The following NNT variants were observed in gnomAD, a reference collection of about 807,000 sequenced individuals.
NNT encodes the protein nicotinamide nucleotide transhydrogenase.
In NNT, 50 loss-of-function variants were observed where a neutral mutation model predicts 104.8. That is an observed-to-expected ratio of 0.48 (90% CI 0.38 to 0.60). The LOEUF (loss-of-function observed/expected upper bound fraction) is 0.60, where lower values mean the gene tolerates loss of function less well. NNT is among the 20% of genes least tolerant of loss of function. The pLI, the probability that NNT is intolerant of heterozygous loss-of-function variation, is 0.00. For missense variants in NNT, 1,131 were observed against 1,330.7 expected (o/e 0.85, Z 2.33); for synonymous variants, 461 against 490.4 (o/e 0.94, Z 0.79).
chr5:43,700,336 G>A (rs1203983816), intron 20 of NNT, 99 bp downstream of exon 20: 2 of 764,214 alleles, frequency 2.6e-6, no homozygotes, highest in African/African-American at 1.8e-5. Context: ...AGACTGACTA[G>A]TCAGATGAAA....
chr5:43,654,659 A>C (rs1323479213), intron 14 of NNT, among the ~76,000 whole-genome samples: 1 of 152,244 alleles, frequency 6.6e-6, no homozygotes, highest in African/African-American at 2.4e-5. Context: ...TTTGAAAGTC[A>C]ATTTGTCTAC....
Position 43,616,072 on chromosome 5 carries a change from T to C in NNT, c.599+7T>C. ...CCATGGCCAACATTGCGGGGTAGGT[T>C]CTTTTCCATTTCAATTGAACAAAAG... On this transcript the variant is annotated splice_region_variant and intron_variant, in intron 4 of 21. Coordinates refer to ENST00000344920, the MANE Select transcript of NNT (RefSeq NM_182977.3). 6.2e-7 allele frequency: 1 copy of C among 1,609,266 alleles called. No homozygotes were observed. The highest frequency in any genetic ancestry group is 1.1e-5 in the South Asian group (1 of 90,504).
At chr5:43,611,182 C>G (rs1182887196) in intron 2 of NNT, among the ~76,000 whole-genome samples, 4 of 142,564 alleles carry the variant, frequency 2.8e-5, no homozygotes, top group Non-Finnish European at 1.5e-5. Flanking sequence ...TTTGCTATGT[C>G]TCTTTTGTCT....
chr5:43,646,482 A>G (rs966495233), intron 10 of NNT, among the ~76,000 whole-genome samples: 3 of 137,066 alleles, frequency 2.2e-5, no homozygotes, highest in Non-Finnish European at 4.7e-5. Flanking sequence ...TTTTTTTTGT[A>G]GAGACGGGGC....
At chr5:43,637,934 T>C (rs1338560087) in intron 7 of NNT, among the ~76,000 whole-genome samples, 1 of 152,148 alleles carries the variant, frequency 6.6e-6, no homozygotes, top group Non-Finnish European at 1.5e-5. Context: ...AGTGGTGATA[T>C]GATTTGGTTG....
At chr5:43,680,794 G>T (rs1362417200) in intron 19 of NNT, among the ~76,000 whole-genome samples, 1 of 152,078 alleles carries the variant, frequency 6.6e-6, no homozygotes, top group Non-Finnish European at 1.5e-5. Flanking sequence ...GATATCATTT[G>T]CTTCCCAGTA....
intron 19 of NNT, among the ~76,000 whole-genome samples, chr5:43,683,904 G>A (rs1417059107): frequency 6.6e-6 from 1 of 152,116 alleles, no homozygotes; most frequent in East Asian, 1.9e-4. Context: ...CTGGTAGTTG[G>A]ATTTGGTTAA....
chr5:43,683,828 T>A (rs997840538), intron 19 of NNT, among the ~76,000 whole-genome samples: 17 of 152,218 alleles, frequency 1.1e-4, no homozygotes, highest in African/African-American at 3.6e-4. Flanking sequence ...GTATCATTCT[T>A]CATAATCTTG....
rs374000752 is a variant in NNT at position 43,702,692 on chromosome 5, A to T, written c.3067A>T (p.Ile1023Phe). 200 of 1,612,906 alleles carry T rather than the reference A, an allele frequency of 1.2e-4. No individual in the cohort carries two copies. The highest frequency in any genetic ancestry group is 1.6e-4 in the Non-Finnish European group (194 of 1,179,402). The change falls in exon 21 of 22, where the codon ATT (isoleucine) becomes TTT (phenylalanine). Residue 1023 changes from isoleucine to phenylalanine, a missense_variant. Physicochemically the swap from Ile to Phe is conservative, Grantham distance 21. Coordinates refer to ENST00000344920, the MANE Select transcript of NNT (RefSeq NM_182977.3). ...NSAAQEDPNS[I>F]IAGMPVLEVW... ...AGCAGCTCAAGAAGATCCCAACTCTATTATTGCAGGCATGCCAGTCCTTGA... is the reference window on the plus strand; with the variant it reads ...AGCAGCTCAAGAAGATCCCAACTCTTTTATTGCAGGCATGCCAGTCCTTGA...
At chr5:43,654,061 TTAA>T (rs1351879792) in intron 14 of NNT, among the ~76,000 whole-genome samples, 1 of 152,146 alleles carries the variant, frequency 6.6e-6, no homozygotes, top group African/African-American at 2.4e-5. Context: ...AGAAACAAAG[TTAA>T]TAATATTAAA....
At chr5:43,678,226 C>T (rs984905748) in intron 19 of NNT, among the ~76,000 whole-genome samples, 6 of 152,040 alleles carry the variant, frequency 3.9e-5, no homozygotes, top group Admixed American at 2.0e-4. Context: ...TGAGTGGCAG[C>T]GGTAGAAGAA....
chr5:43,621,370 G>C (rs1021060504), intron 5 of NNT, among the ~76,000 whole-genome samples: 1 of 152,138 alleles, frequency 6.6e-6, no homozygotes, highest in Non-Finnish European at 1.5e-5. Context: ...ATTGGCCCCT[G>C]GCCTAGATTG....
intron 7 of NNT, among the ~76,000 whole-genome samples, chr5:43,632,461 GGT>G (rs572297171): frequency 4.0e-4 from 61 of 152,268 alleles, no homozygotes; most frequent in African/African-American, 1.3e-3. Flanking sequence ...GTCACTTGGT[GGT>G]CTTGAAAAAA....
Position 43,618,488 on chromosome 5 carries a change from A to T in NNT, c.600-544A>T, listed in dbSNP as rs538417422. Among the ~76,000 whole-genome samples, 360 of 152,154 alleles carry T rather than the reference A, an allele frequency of 2.4e-3. 1 individual carries two copies. Among genetic ancestry groups the T allele is most frequent in the Non-Finnish European group, 4.0e-3 (270 of 68,004 alleles). ...TTTGTACAAGCCTATGGCTGACCTA[A>T]TTTTTTTTATTTTAAGGATTTTCCC... is the stretch of plus-strand genomic sequence containing the variant. On this transcript the variant is annotated intron_variant, in intron 4 of 21. Coordinates refer to ENST00000344920, the MANE Select transcript of NNT (RefSeq NM_182977.3).
Position 43,705,506 on chromosome 5 carries a change from T to C in NNT, c.*1102T>C, listed in dbSNP as rs537939919. 1 of 151,734 alleles carries C rather than the reference T, an allele frequency of 6.6e-6. No individual in the cohort carries two copies. Among genetic ancestry groups the C allele is most frequent in the Non-Finnish European group, 1.5e-5 (1 of 67,770 alleles). The allele number at this position is 151,734 out of a possible 1,614,324, so 9.4% of individuals were successfully genotyped here. ...TCTTTTTATAGAAGTGTAGATTTTCTTTGTGACTTTGCTATCGTGCCTAAA... is the reference window on the plus strand; with the variant it reads ...TCTTTTTATAGAAGTGTAGATTTTCCTTGTGACTTTGCTATCGTGCCTAAA... On this transcript the variant is annotated 3_prime_UTR_variant, in exon 22 of 22. Transcript: ENST00000344920.
chr5:43,664,693 C>T (rs1454835185), intron 17 of NNT, among the ~76,000 whole-genome samples: 1 of 151,746 alleles, frequency 6.6e-6, no homozygotes, highest in Non-Finnish European at 1.5e-5. Flanking sequence ...ATCTCTGGAA[C>T]AGTGGTCATA....
chr5:43,617,759 A>G (rs1023436420), intron 4 of NNT, among the ~76,000 whole-genome samples: 2 of 152,198 alleles, frequency 1.3e-5, no homozygotes, highest in South Asian at 2.1e-4. Flanking sequence ...TAATTCCACA[A>G]TTAATTTCTT....
rs956321115 is a variant in NNT at position 43,616,171 on chromosome 5, G to A, written c.599+106G>A. 2.6e-4 allele frequency: 244 copies of A among 935,010 alleles called. 1 individual carries two copies. Among genetic ancestry groups the A allele is most frequent in the Middle Eastern group, 9.0e-4 (4 of 4,456 alleles). The allele number at this position is 935,010 out of a possible 1,614,324, so 57.9% of individuals were successfully genotyped here. On this transcript the variant is annotated intron_variant, in intron 4 of 21. Transcript: ENST00000344920. ...GTGATTTTATTTGTAATTATTGTTG[G>A]AGATTACAGCCTTTTGAGAGTGCAT... is the stretch of plus-strand genomic sequence containing the variant.
chr5:43,672,613 A>C (rs1741175871), intron 17 of NNT, among the ~76,000 whole-genome samples: 1 of 151,382 alleles, frequency 6.6e-6, no homozygotes, highest in Non-Finnish European at 1.5e-5. Context: ...ATTGCTGAAA[A>C]GCAATGTTGC....
Sources: gnomAD v4.1 joint callset for allele counts (sites outside exome capture counted in the v4.1 genomes callset) on GRCh38, gnomAD v4.1.1 for gene constraint, MANE v1.5 for transcripts, NCBI Gene and HGNC (gene_info 2026-07-23, HGNC 2026-07-21) for gene names.